The following ZSWIM7 variants were observed in gnomAD, a reference collection of about 807,000 sequenced individuals.
ZSWIM7 encodes the protein zinc finger SWIM domain-containing protein 7.
Under a neutral mutation model 21.1 loss-of-function variants are expected in ZSWIM7, and 22 were observed. The observed-to-expected ratio is 1.04, with a 90% confidence interval of 0.74 to 1.49. ZSWIM7 has a LOEUF of 1.49. Among genes scored for constraint, ZSWIM7 ranks in the 40% most tolerant of loss-of-function variants. The pLI is 0.00. For synonymous variants in ZSWIM7, 67 were observed against 66.5 expected (o/e 1.01, Z -0.04); for missense variants, 193 against 168.0 (o/e 1.15, Z -0.82).
intron 2 of ZSWIM7, among the ~76,000 whole-genome samples, chr17:15,989,017 CA>C (rs369601343): frequency 3.4e-5 from 5 of 148,646 alleles, no homozygotes; most frequent in Non-Finnish European, 6.0e-5. Flanking sequence ...GACTCCGTCT[CA>C]AAAAAAAAAT....
chr17:15,981,469 G>T (rs760027576), intron 3 of ZSWIM7, among the ~76,000 whole-genome samples: 22 of 144,536 alleles, frequency 1.5e-4, no homozygotes, highest in South Asian at 1.1e-3. Context: ...AGAAGGAAGT[G>T]GGGGGGGGGA....
Position 15,999,665 on chromosome 17 carries a change from G to A in ZSWIM7, c.-71C>T, listed in dbSNP as rs762631198. Reference sequence around the variant, plus strand: ...CTCCAGCTGACTGCGCCTACCTGTGGAGGATCCTGACCCCCCGCCGGGGCA... The same window carrying A: ...CTCCAGCTGACTGCGCCTACCTGTGAAGGATCCTGACCCCCCGCCGGGGCA... On this transcript the variant is annotated 5_prime_UTR_variant, in exon 1 of 5. Transcript: ENST00000399277. The A allele has an allele frequency of 7.0e-6, 11 of 1,562,432 alleles. No individual in the cohort carries two copies. The highest frequency in any genetic ancestry group is 9.5e-6 in the Non-Finnish European group (11 of 1,154,482).
rs10491104 is a variant in ZSWIM7 at position 15,981,247 on chromosome 17, C to T, written c.202-103G>A. ...CTCAGAGTTGCTCTGCAAATTGCAC[C>T]GAGAAGAACTGCAGTAATGTTTTAC... is the stretch of plus-strand genomic sequence containing the variant. On this transcript the variant is annotated intron_variant, in intron 3 of 4. Coordinates refer to ENST00000399277, the MANE Select transcript of ZSWIM7 (RefSeq NM_001042697.2). 0.49 allele frequency: 357,303 copies of T among 726,328 alleles called. 91,953 individuals carry two copies. Among genetic ancestry groups the T allele is most frequent in the Middle Eastern group, 0.57 (2,134 of 3,762 alleles). The allele number at this position is 726,328 out of a possible 1,614,324, so 45.0% of individuals were successfully genotyped here.
In ZSWIM7 at chr17:15,978,169, A is replaced by T. The variant is rs1970302701; in HGVS notation, c.307-6T>A. The T allele has an allele frequency of 6.2e-7, 1 of 1,608,328 alleles. No homozygotes were observed. Among genetic ancestry groups the T allele is most frequent in the East Asian group, 2.2e-5 (1 of 44,844 alleles). On this transcript the variant is annotated splice_polypyrimidine_tract_variant and splice_region_variant and intron_variant, in intron 4 of 4. Transcript: ENST00000399277. ...ACTGCCAAGAGATGCTTGCACTGGA[A>T]TATAAAACACACACACCTATTAGAA... is the stretch of plus-strand genomic sequence containing the variant.
intron 3 of ZSWIM7, among the ~76,000 whole-genome samples, chr17:15,982,929 A>G (rs1250495754): frequency 6.6e-6 from 1 of 152,202 alleles, no homozygotes; most frequent in African/African-American, 2.4e-5. Flanking sequence ...CTGGGATTAC[A>G]GGCATGAGCT....
intron 1 of ZSWIM7, among the ~76,000 whole-genome samples, chr17:15,995,391 C>T (rs1296100344): frequency 6.6e-6 from 1 of 151,702 alleles, no homozygotes; most frequent in Non-Finnish European, 1.5e-5. Flanking sequence ...CCTCAGCCTA[C>T]AGAGTAGCTG....
intron 1 of ZSWIM7, among the ~76,000 whole-genome samples, chr17:15,995,005 G>A (rs186035616): frequency 6.6e-6 from 1 of 152,040 alleles, no homozygotes; most frequent in Admixed American, 6.6e-5. Flanking sequence ...GAAAGTTAGA[G>A]GAAAAACTGC....
chr17:15,983,883 G>A lies in ZSWIM7; in HGVS notation c.202-2739C>T, dbSNP rs111777234. Among the ~76,000 whole-genome samples, 8 of 152,180 alleles carry A rather than the reference G, an allele frequency of 5.3e-5. 1 individual carries two copies. The highest frequency in any genetic ancestry group is 1.7e-4 in the African/African-American group (7 of 41,536). On this transcript the variant is annotated intron_variant, in intron 3 of 4. Transcript: ENST00000399277. Reference sequence around the variant, plus strand: ...ATTCCAAGCATGAACCACCACTCCCGGCCTATAATTCTTGGGTGTCTAAAC... The same window carrying A: ...ATTCCAAGCATGAACCACCACTCCCAGCCTATAATTCTTGGGTGTCTAAAC...
chr17:15,994,136 A>G (rs1970518953), intron 1 of ZSWIM7, among the ~76,000 whole-genome samples: 1 of 152,142 alleles, frequency 6.6e-6, no homozygotes, highest in African/African-American at 2.4e-5. Flanking sequence ...TATGTTTAGT[A>G]GAGATGGGGT....
At chr17:15,993,910 A>C (rs979620504) in intron 1 of ZSWIM7, 132 bp from the exon 2 acceptor site, 5 of 621,652 alleles carry the variant, frequency 8.0e-6, no homozygotes, top group Non-Finnish European at 1.4e-5. Flanking sequence ...ATCTGGTTTT[A>C]CTCCTTCCCC....
chr17:15,977,866 CAA>C lies in ZSWIM7; in HGVS notation c.*179_*180del. On this transcript the variant is annotated 3_prime_UTR_variant, in exon 5 of 5. Coordinates refer to ENST00000399277, the MANE Select transcript of ZSWIM7 (RefSeq NM_001042697.2). ...ACTGTACAGGGCTTCTCATCATACA[CAA>C]ACCCTCCACAGCCCACGGCTCCAAC... The C allele has an allele frequency of 1.8e-6, 1 of 567,558 alleles. No individual in the cohort carries two copies. The highest frequency in any genetic ancestry group is 3.2e-6 in the Non-Finnish European group (1 of 313,846). 35.2% of individuals were successfully genotyped at this position (567,558 alleles called of 1,614,324 possible).
chr17:15,994,485 G>A (rs1160770960), intron 1 of ZSWIM7, among the ~76,000 whole-genome samples: 2 of 152,092 alleles, frequency 1.3e-5, no homozygotes, highest in East Asian at 3.8e-4. Flanking sequence ...GCTTCATTAG[G>A]GGTGAAACAG....
chr17:15,995,011 A>C (rs1567572354), intron 1 of ZSWIM7, among the ~76,000 whole-genome samples: 2 of 152,330 alleles, frequency 1.3e-5, no homozygotes, highest in East Asian at 3.9e-4. Flanking sequence ...TAGAGGAAAA[A>C]CTGCAGAAAG....
chr17:15,996,049 G>A (rs1970549980), intron 1 of ZSWIM7, among the ~76,000 whole-genome samples: 1 of 152,132 alleles, frequency 6.6e-6, no homozygotes, highest in Non-Finnish European at 1.5e-5. Flanking sequence ...TCAATACCTA[G>A]ACAAACAATC....
chr17:15,980,966 ATAGT>A (rs1949286891), intron 4 of ZSWIM7, 70 bp downstream of exon 4: 1 of 1,077,724 alleles, frequency 9.3e-7, no homozygotes, highest in African/African-American at 1.6e-5. Context: ...ATTTTGTAGA[ATAGT>A]TAAACCACAA....
intron 4 of ZSWIM7, among the ~76,000 whole-genome samples, chr17:15,979,880 C>T (rs113159377): frequency 2.9e-5 from 1 of 34,154 alleles, no homozygotes; most frequent in Non-Finnish European, 5.6e-5. Context: ...GGGGGGCTGA[C>T]CCCCCCACCT....
intron 3 of ZSWIM7, among the ~76,000 whole-genome samples, chr17:15,983,505 G>A (rs1370927723): frequency 6.6e-6 from 1 of 151,476 alleles, no homozygotes; most frequent in Non-Finnish European, 1.5e-5. Context: ...ATGTGTGGAA[G>A]CTTACACTGA....
chr17:15,981,316 C>CT (rs1491148797), intron 3 of ZSWIM7, among the ~76,000 whole-genome samples, 172 bp from the exon 4 acceptor site: 1 of 152,098 alleles, frequency 6.6e-6, no homozygotes, highest in Non-Finnish European at 1.5e-5. Flanking sequence ...TACAGACTCT[C>CT]CCTTCCTCAC....
chr17:15,991,929 TTTTG>T (rs1970490741), intron 2 of ZSWIM7, among the ~76,000 whole-genome samples: 2 of 142,700 alleles, frequency 1.4e-5, no homozygotes, highest in African/African-American at 5.6e-5. Flanking sequence ...TTTTGTTTTG[TTTTG>T]TTTTTTTTTT....
Sources: gnomAD v4.1 joint callset for allele counts (sites outside exome capture counted in the v4.1 genomes callset) on GRCh38, gnomAD v4.1.1 for gene constraint, MANE v1.5 for transcripts, NCBI Gene and HGNC (gene_info 2026-07-23, HGNC 2026-07-21) for gene names.